The following AGRN variants were observed in gnomAD, a reference collection of about 807,000 sequenced individuals.
The protein encoded by AGRN is agrin proteoglycan.
AGRN carries 106 observed loss-of-function variants against 211.0 expected under a neutral mutation model. The observed-to-expected ratio is 0.50, with a 90% CI of 0.43 to 0.59. The LOEUF (loss-of-function observed/expected upper bound fraction) is 0.59, where lower values mean the gene tolerates loss of function less well. Among genes scored for constraint, AGRN ranks in the 20% least tolerant of loss-of-function variants. The pLI is 0.00. For synonymous variants in AGRN, 1,525 were observed against 1,332.5 expected, an observed-to-expected ratio of 1.14 and a Z score of -3.15; for missense variants, 3,040 against 2,982.6, an observed-to-expected ratio of 1.02 and a Z score of -0.45.
In AGRN at chr1:1,041,316, G is replaced by A; in HGVS notation, c.871G>A (p.Asp291Asn). 1 of 1,522,042 alleles carries A rather than the reference G, an allele frequency of 6.6e-7. No homozygotes were observed. The highest frequency in any genetic ancestry group is 8.8e-7 in the Non-Finnish European group (1 of 1,141,190). The allele number at this position is 1,522,042 out of a possible 1,614,324, so 94.3% of individuals were successfully genotyped here. The change falls in exon 5 of 36, where the codon GAC (aspartate) becomes AAC (asparagine). Residue 291 changes from aspartate to asparagine, a missense_variant. Transcript: ENST00000379370. Reference protein sequence around the residue: ...EGTVCGSDGADYPGECQLLRR... With the variant: ...EGTVCGSDGANYPGECQLLRR... ...GACCGTCTGCGGCAGCGACGGCGCC[G>A]ACTACCCCGGCGAGTGCCAGCTCCT...
chr1:1,035,236 C>G, intron 2 of AGRN, 41 bp from the exon 3 acceptor site: 1 of 1,610,256 alleles, frequency 6.2e-7, no homozygotes, highest in South Asian at 1.1e-5. Context: ...AGGGAGGAGC[C>G]TGCTCAGAGG....
At chr1:1,054,762 G>T (rs538247338) in intron 35 of AGRN, 62 bp from the exon 36 acceptor site, 7 of 1,534,046 alleles carry the variant, frequency 4.6e-6, no homozygotes, top group Non-Finnish European at 6.1e-6. Context: ...TCACCTGCTC[G>T]TTGGGGTGCC....
At position 1,045,266 on chromosome 1, in the gene AGRN, C is replaced by T. The variant is rs560842858; in HGVS notation, c.2360C>T (p.Ala787Val). The change falls in exon 13 of 36, where the codon GCT (alanine) becomes GTT (valine). Residue 787 changes from alanine to valine, a missense_variant. Physicochemically the swap from Ala to Val is moderately conservative, Grantham distance 64. This residue lies in a region of AGRN where 1,498 missense variants were observed against 1,457.8 expected (regional missense o/e 1.03). Coordinates refer to ENST00000379370, the MANE Select transcript of AGRN (RefSeq NM_198576.4). ...ACCGCAGCCCGGGGCGTGGGCCTGG[C>T]TGGCTGCCCCAGTGAGTACCTGAGC... is the stretch of plus-strand genomic sequence containing the variant. ...NITAARGVGL[A>V]GCPSACQCNP... is the part of the protein sequence containing the mutation. 2.5e-6 allele frequency: 4 copies of T among 1,611,428 alleles called. No individual in the cohort carries two copies. Among genetic ancestry groups the T allele is most frequent in the Admixed American group, 1.7e-5 (1 of 59,900 alleles).
chr1:1,043,327 G>T lies in AGRN; in HGVS notation c.1473G>T (p.Leu491=), dbSNP rs750394972. The T allele has an allele frequency of 2.5e-6, 4 of 1,609,580 alleles. No homozygotes were observed. Among genetic ancestry groups the T allele is most frequent in the Non-Finnish European group, 3.4e-6 (4 of 1,178,962 alleles). Residue 491 remains leucine, a synonymous_variant, in exon 8 of 36, where the codon CTG becomes CTT. Transcript: ENST00000379370. ...VKNGQAACEC[L]QACSSLYDPV... ...ACGGGCAGGCAGCGTGTGAATGCCT[G>T]CAGGCGTGCTCGAGCCTCTACGATC...
Position 1,035,437 on chromosome 1 carries a change from G to A in AGRN, c.511+113G>A, listed in dbSNP as rs888505452. 7.2e-5 allele frequency: 101 copies of A among 1,410,604 alleles called. 1 individual carries two copies. In the Admixed American group the frequency reaches 1.6e-3, roughly 23 times the overall value. The allele number at this position is 1,410,604 out of a possible 1,614,324, so 87.4% of individuals were successfully genotyped here. ...GGAGTGTGTCTGGAGTGAGGAGGAG[G>A]CTGGACAAGGGCACCTGCGTCTGTC... is the stretch of plus-strand genomic sequence containing the variant. On this transcript the variant is annotated intron_variant, in intron 3 of 35. Coordinates refer to ENST00000379370, the MANE Select transcript of AGRN (RefSeq NM_198576.4).
rs1014335796 is a variant in AGRN, at chr1:1,046,637, G to A, written c.3152G>A (p.Ser1051Asn). The part of the protein sequence containing the change: ...VPPTAPSPAP[S>N]LVASAFGESG... ...CCCACGGCACCCTCCCCTGCACCCA[G>A]CCTGGTGGCGTCCGCCTTTGGTGAA... The change falls in exon 18 of 36, where the codon AGC (serine) becomes AAC (asparagine). Residue 1051 changes from serine to asparagine, a missense_variant. Ser to Asn is a conservative substitution (Grantham distance 46, BLOSUM62 1). This residue lies in a region of AGRN where 1,537 missense variants were observed against 1,505.0 expected (regional missense o/e 1.02). Coordinates refer to ENST00000379370, the MANE Select transcript of AGRN (RefSeq NM_198576.4). 3 of 1,598,946 alleles carry A rather than the reference G, an allele frequency of 1.9e-6. No homozygotes were observed. Among genetic ancestry groups the A allele is most frequent in the Admixed American group, 3.3e-5 (2 of 59,728 alleles).
chr1:1,042,834 C>T (rs566680756), intron 7 of AGRN, among the ~76,000 whole-genome samples: 42 of 152,168 alleles, frequency 2.8e-4, no homozygotes, highest in Middle Eastern at 3.4e-3. Context: ...CCTCCTCCCC[C>T]GTGCAGCCCT....
At chr1:1,040,368 C>G (rs1644897695) in intron 3 of AGRN, among the ~76,000 whole-genome samples, 1 of 152,186 alleles carries the variant, frequency 6.6e-6, no homozygotes, top group South Asian at 2.1e-4. Context: ...GTCGCAGAAA[C>G]AGAGTCGGGT....
In AGRN at chr1:1,048,910, G is replaced by A; in HGVS notation, c.4149G>A (p.Leu1383=). The A allele has an allele frequency of 6.4e-7, 1 of 1,555,014 alleles. No homozygotes were observed. Among genetic ancestry groups the A allele is most frequent in the Non-Finnish European group, 8.7e-7 (1 of 1,150,242 alleles). ...CGGCCTTCGAGGGCCGCTCCTTCCT[G>A]GCCTTCCCCACTCTCCGCGCCTACC... ...PVPAFEGRSF[L]AFPTLRAYHT... is the part of the protein sequence containing the mutation. The change falls in exon 24 of 36, where the codon CTG becomes CTA. Residue 1383 remains leucine, a synonymous_variant. Transcript: ENST00000379370. This position sits in a 1 kb window ranked among gnomAD's most constrained non-coding sequence, Gnocchi z 5.9.
At chr1:1,052,802 GTA>G (rs766082865) in intron 33 of AGRN, 2 of 156,812 alleles carry the variant, frequency 1.3e-5, no homozygotes, top group Admixed American at 1.3e-4. Flanking sequence ...GTATGTGTGT[GTA>G]TATGAGGGAG....
In AGRN at chr1:1,049,555, C is replaced by A. The variant is rs1318253535; in HGVS notation, c.4515-11C>A. On this transcript the variant is annotated splice_polypyrimidine_tract_variant and intron_variant, in intron 25 of 35. Coordinates refer to ENST00000379370, the MANE Select transcript of AGRN (RefSeq NM_198576.4). ...CCCTGAGCCCTGACCCGGTGTCCCT[C>A]CTGGTGGCAGGGCGCTGGAGCGGAC... 1.3e-6 allele frequency: 2 copies of A among 1,590,318 alleles called. No individual in the cohort carries two copies. Among genetic ancestry groups the A allele is most frequent in the South Asian group, 1.1e-5 (1 of 88,408 alleles).
rs767978167 is a variant in AGRN at position 1,044,200 on chromosome 1, C to G, written c.2091C>G (p.Asp697Glu). Residue 697 changes from aspartate (D) to glutamate (E), a missense_variant, in exon 11 of 36, where the codon GAC (aspartate) becomes GAG (glutamate). Around this residue, in one of 3 missense-constraint regions of AGRN, gnomAD observed 1,498 missense variants for 1,457.8 expected, o/e 1.03. Coordinates refer to ENST00000379370, the MANE Select transcript of AGRN (RefSeq NM_198576.4). Reference protein sequence around the residue: ...CRQRGGIWDEDSEDGPCVCDF... With the variant: ...CRQRGGIWDEESEDGPCVCDF... ...AGCGCGGTGGCATCTGGGACGAGGACTCGGAGGACGGGCCGTGTGTCTGTG... is the reference window on the plus strand; with the variant it reads ...AGCGCGGTGGCATCTGGGACGAGGAGTCGGAGGACGGGCCGTGTGTCTGTG... 1.2e-6 allele frequency: 2 copies of G among 1,613,126 alleles called. No homozygotes were observed. Among genetic ancestry groups the G allele is most frequent in the Admixed American group, 1.7e-5 (1 of 60,028 alleles).
At chr1:1,037,519 A>T (rs572426845) in intron 3 of AGRN, among the ~76,000 whole-genome samples, 1 of 152,322 alleles carries the variant, frequency 6.6e-6, no homozygotes, top group South Asian at 2.1e-4. Flanking sequence ...ACCCGCTCCT[A>T]TAAAAAGCAC....
Position 1,048,060 on chromosome 1 carries a change from C to T in AGRN, c.3800C>T (p.Ala1267Val), listed in dbSNP as rs760130656. 22 of 1,583,958 alleles carry T rather than the reference C, an allele frequency of 1.4e-5. No homozygotes were observed. The highest frequency in any genetic ancestry group is 5.1e-5 in the Admixed American group (3 of 58,326). Residue 1267 changes from alanine (A) to valine (V), a missense_variant, in exon 23 of 36, where the codon GCG (alanine) becomes GTG (valine). Ala to Val is a moderately conservative substitution (Grantham distance 64). This residue lies in a region of AGRN where 1,537 missense variants were observed against 1,505.0 expected (regional missense o/e 1.02). Transcript: ENST00000379370. This position sits in a 1 kb window ranked among gnomAD's most constrained non-coding sequence, Gnocchi z 5.9. Reference protein sequence around the residue: ...ITGATSGAIAAGATARATTAS... With the variant: ...ITGATSGAIAVGATARATTAS... ...GGGGCCACGTCAGGAGCCATTGCTGCGGGAGCCACGGCCAGAGCCACCACT... is the reference window on the plus strand; with the variant it reads ...GGGGCCACGTCAGGAGCCATTGCTGTGGGAGCCACGGCCAGAGCCACCACT...
At chr1:1,047,952 GC>G in intron 22 of AGRN, 57 bp downstream of exon 22, 1 of 1,581,302 alleles carries the variant, frequency 6.3e-7, no homozygotes. Context: ...CCATGCCCCT[GC>G]CCCTCACCCC....
chr1:1,038,435 G>C (rs1644852203), intron 3 of AGRN, among the ~76,000 whole-genome samples: 1 of 152,236 alleles, frequency 6.6e-6, no homozygotes, highest in Non-Finnish European at 1.5e-5. Context: ...CCATGCCCCT[G>C]CAAGCAGTCC....
rs760218476 is a variant in AGRN at position 1,048,116 on chromosome 1, C to A, written c.3856C>A (p.Pro1286Thr). The change falls in exon 23 of 36, where the codon CCT (proline) becomes ACT (threonine). Residue 1286 changes from proline to threonine, a missense_variant. Pro to Thr is a conservative substitution (Grantham distance 38, BLOSUM62 -1). Around this residue, in one of 3 missense-constraint regions of AGRN, gnomAD observed 1,537 missense variants for 1,505.0 expected, o/e 1.02. Coordinates refer to ENST00000379370, the MANE Select transcript of AGRN (RefSeq NM_198576.4). The surrounding 1 kb of genome is among the most constrained non-coding windows in gnomAD (Gnocchi z 5.9). The part of the protein sequence containing the change: ...ASRLPSSAVT[P>T]RAPHPSHTSQ... Reference sequence around the variant, plus strand: ...GCGCCTGCCGTCCTCTGCTGTGACCCCTCGGGCCCCGCACCCCAGTCACAC... The same window carrying A: ...GCGCCTGCCGTCCTCTGCTGTGACCACTCGGGCCCCGCACCCCAGTCACAC... The A allele has an allele frequency of 3.1e-5, 48 of 1,568,914 alleles. No individual in the cohort carries two copies. The highest frequency in any genetic ancestry group is 3.5e-5 in the Non-Finnish European group (41 of 1,165,014).
At chr1:1,053,395 G>A (rs1645364396) in intron 33 of AGRN, 1 of 1,295,126 alleles carries the variant, frequency 7.7e-7, no homozygotes, top group African/African-American at 1.5e-5. Context: ...CCACAGTGTT[G>A]AGATGGGTTT....
chr1:1,021,092 C>T (rs1367490154), intron 1 of AGRN, among the ~76,000 whole-genome samples: 1 of 152,194 alleles, frequency 6.6e-6, no homozygotes, highest in Non-Finnish European at 1.5e-5. Flanking sequence ...CGTGTACCCC[C>T]AAAACCATCT....
Sources: allele counts gnomAD v4.1 joint callset (sites outside exome capture counted in the v4.1 genomes callset), GRCh38; gene constraint gnomAD v4.1.1; regional missense constraint gnomAD v4.1.1; non-coding constraint Gnocchi (gnomAD v3.1); transcripts MANE v1.5; gene names NCBI Gene and HGNC (gene_info 2026-07-23, HGNC 2026-07-21).